Variants in ARHGEF26 observed in about 807,000 individuals in gnomAD.
The protein encoded by ARHGEF26 is Rho guanine nucleotide exchange factor (GEF) 26.
In ARHGEF26, 59 loss-of-function variants were observed where a neutral mutation model predicts 89.4. The ratio of observed to expected loss-of-function variants is 0.66; its 90% CI spans 0.54 to 0.82. The LOEUF is 0.82. Ranked by LOEUF, ARHGEF26 falls within the 40% of genes least tolerant of loss-of-function variation. The probability of loss-of-function intolerance (pLI) is 0.00; values close to 1 mark genes in which losing one functional copy is unlikely to be tolerated. For missense variants in ARHGEF26, 1,234 were observed against 1,085.6 expected (o/e 1.14, Z -1.92); for synonymous variants, 500 against 428.4 (o/e 1.17, Z -2.06).
Position 154,257,063 on chromosome 3 carries a change from C to A in ARHGEF26, c.*1590C>A. The A allele has an allele frequency of 7.4e-7, 1 of 1,358,096 alleles. No individual in the cohort carries two copies. Among genetic ancestry groups the A allele is most frequent in the Non-Finnish European group, 9.6e-7 (1 of 1,046,250 alleles). 84.1% of individuals were successfully genotyped at this position (1,358,096 alleles called of 1,614,324 possible). A position where few individuals can be genotyped will look rare whatever the true frequency, so the allele number is the denominator to read the frequency against. On this transcript the variant is annotated 3_prime_UTR_variant, in exon 15 of 15. Transcript: ENST00000465093. ...GTATGTGACATGTCCCAACTACTGT[C>A]CGCTAACTAGTTATCCAAATTGTAA...
At position 154,187,793 on chromosome 3, in the gene ARHGEF26, C is replaced by A; in HGVS notation, c.1596C>A (p.Tyr532Ter). The change falls in exon 7 of 15, where the codon TAC becomes TAA. Residue 532 changes from tyrosine (Y) to a stop codon, truncating the protein, a stop_gained. Transcript: ENST00000465093. LOFTEE classifies it high-confidence loss of function. Reference protein sequence around the residue: ...TASTFDPYVKYCTNEVYQQRT... With the variant: ...TASTFDPYVK ...CCACATTTGACCCATATGTGAAATACTGCACAAATGAAGTCTACCAACAAC... is the reference window on the plus strand; with the variant it reads ...CCACATTTGACCCATATGTGAAATAATGCACAAATGAAGTCTACCAACAAC... 6.2e-7 allele frequency: 1 copy of A among 1,610,966 alleles called. No homozygotes were observed. The highest frequency in any genetic ancestry group is 1.3e-5 in the African/African-American group (1 of 75,004).
intron 9 of ARHGEF26, among the ~76,000 whole-genome samples, chr3:154,205,806 TTTG>T (rs1186353931): frequency 6.6e-6 from 1 of 152,102 alleles, no homozygotes; most frequent in African/African-American, 2.4e-5. Context: ...TTTTAATCAT[TTTG>T]TTGTTTCTGT....
intron 9 of ARHGEF26, among the ~76,000 whole-genome samples, 192 bp from the exon 10 acceptor site, chr3:154,217,675 TTC>T (rs770820984): frequency 1.8e-4 from 27 of 152,214 alleles, no homozygotes; most frequent in Admixed American, 1.1e-3. Flanking sequence ...TTTTTTTCCC[TTC>T]TGTCTTCACA....
chr3:154,195,937 C>G (rs1714263490), intron 9 of ARHGEF26, among the ~76,000 whole-genome samples: 1 of 151,980 alleles, frequency 6.6e-6, no homozygotes, highest in Non-Finnish European at 1.5e-5. Context: ...CTAAAAAGAA[C>G]AAAACAAAGT....
chr3:154,135,793 C>T (rs915595236), intron 4 of ARHGEF26, among the ~76,000 whole-genome samples: 7 of 152,102 alleles, frequency 4.6e-5, no homozygotes, highest in Non-Finnish European at 1.0e-4. Context: ...TAGTAGGACC[C>T]CGGAAGTATT....
chr3:154,135,996 G>A (rs1460260129), intron 4 of ARHGEF26, among the ~76,000 whole-genome samples: 1 of 152,106 alleles, frequency 6.6e-6, no homozygotes, highest in Non-Finnish European at 1.5e-5. Flanking sequence ...TGATTTATTT[G>A]CCATGGGGTG....
intron 6 of ARHGEF26, among the ~76,000 whole-genome samples, chr3:154,168,733 C>T (rs2108133736): frequency 6.6e-6 from 1 of 152,238 alleles, no homozygotes; most frequent in Non-Finnish European, 1.5e-5. Context: ...CCTAGCATTT[C>T]CTTATGTAGA....
chr3:154,129,656 G>A lies in ARHGEF26; in HGVS notation c.1206G>A (p.Lys402=), dbSNP rs1469600736. The part of the protein sequence containing the change: ...SDEESEPKEQ[K]SDEKIVIHHK... Reference sequence around the variant, plus strand: ...AAGAGTCAGAGCCCAAAGAACAGAAGTCAGATGAAAAAATTGTGATTCACC... The same window carrying A: ...AAGAGTCAGAGCCCAAAGAACAGAAATCAGATGAAAAAATTGTGATTCACC... Residue 402 remains lysine (K), a synonymous_variant, in exon 4 of 15, where the codon AAG becomes AAA. Transcript: ENST00000465093. 2 of 1,611,998 alleles carry A rather than the reference G, an allele frequency of 1.2e-6. No homozygotes were observed. Among genetic ancestry groups the A allele is most frequent in the African/African-American group, 1.3e-5 (1 of 74,880 alleles).
intron 4 of ARHGEF26, among the ~76,000 whole-genome samples, chr3:154,144,898 A>G (rs750386104): frequency 6.6e-6 from 1 of 152,226 alleles, no homozygotes; most frequent in Non-Finnish European, 1.5e-5. Context: ...TTTTTAAATT[A>G]AGCATATGAT....
intron 9 of ARHGEF26, among the ~76,000 whole-genome samples, chr3:154,201,418 G>C (rs984620131): frequency 1.9e-4 from 29 of 151,954 alleles, no homozygotes; most frequent in Non-Finnish European, 3.4e-4. Context: ...GGACATTTGG[G>C]TTGGTTCCAA....
At chr3:154,230,492 ACT>A (rs1437367448) in intron 11 of ARHGEF26, among the ~76,000 whole-genome samples, 1 of 152,064 alleles carries the variant, frequency 6.6e-6, no homozygotes, top group Non-Finnish European at 1.5e-5. Flanking sequence ...GAAACTTACA[ACT>A]TTTTTGTTTG....
rs146007528 is a variant in ARHGEF26, at chr3:154,137,618, C to T, written c.1269+7899C>T. On this transcript the variant is annotated intron_variant, in intron 4 of 14. Coordinates refer to ENST00000465093, the MANE Select transcript of ARHGEF26 (RefSeq NM_015595.4). ...TTTTATGTATAATTAGATTATGGTA[C>T]ATTTCTGAAAATTAACTTGACTTAT... 1.1e-3 allele frequency among the ~76,000 whole-genome samples: 161 copies of T among 152,076 alleles called. No individual in the cohort carries two copies. In the East Asian group the frequency reaches 0.017, roughly 16 times the overall value.
intron 9 of ARHGEF26, among the ~76,000 whole-genome samples, chr3:154,217,031 G>C (rs1395142467): frequency 6.8e-6 from 1 of 147,184 alleles, no homozygotes; most frequent in Non-Finnish European, 1.5e-5. Context: ...ATGATTTATA[G>C]TCCTTTGGGT....
intron 4 of ARHGEF26, among the ~76,000 whole-genome samples, chr3:154,139,248 C>A (rs1341404047): frequency 6.6e-6 from 1 of 152,116 alleles, no homozygotes; most frequent in Non-Finnish European, 1.5e-5. Flanking sequence ...TTCCTCTGTT[C>A]TCTAAATTTT....
intron 2 of ARHGEF26, 63 bp from the exon 3 acceptor site, chr3:154,124,347 C>A: frequency 9.3e-7 from 1 of 1,070,166 alleles, no homozygotes. Context: ...TTCTATTTGG[C>A]TCATTCATAC....
At chr3:154,159,719 T>G (rs1711551163) in intron 6 of ARHGEF26, among the ~76,000 whole-genome samples, 1 of 152,142 alleles carries the variant, frequency 6.6e-6, no homozygotes. Context: ...GAAATACGTT[T>G]CTATTTGGTA....
chr3:154,211,867 A>ATATG (rs112715929), intron 9 of ARHGEF26, among the ~76,000 whole-genome samples: 1 of 151,024 alleles, frequency 6.6e-6, no homozygotes, highest in Admixed American at 6.6e-5. Context: ...GTATATATAT[A>ATATG]TGTGTGTGTG....
intron 9 of ARHGEF26, among the ~76,000 whole-genome samples, chr3:154,201,009 T>TA (rs2108209209): frequency 6.6e-6 from 1 of 151,944 alleles, no homozygotes; most frequent in African/African-American, 2.4e-5. Flanking sequence ...ATAAGATTTT[T>TA]TTTTATTATA....
chr3:154,203,691 G>C (rs1225661985), intron 9 of ARHGEF26, among the ~76,000 whole-genome samples: 1 of 151,966 alleles, frequency 6.6e-6, no homozygotes, highest in African/African-American at 2.4e-5. Context: ...TAGCACGAAG[G>C]GATGTTGAAT....
Sources: gnomAD v4.1 joint callset for allele counts (sites outside exome capture counted in the v4.1 genomes callset) on GRCh38, gnomAD v4.1.1 for gene constraint, MANE v1.5 for transcripts, NCBI Gene and HGNC (gene_info 2026-07-23, HGNC 2026-07-21) for gene names.